The following SLC1A5 variants were observed in gnomAD, a reference collection of about 807,000 sequenced individuals.
SLC1A5 encodes neutral amino acid transporter B(0).
SLC1A5 carries 25 observed loss-of-function variants against 34.9 expected under a neutral mutation model. That is an observed-to-expected ratio of 0.72 (90% CI 0.52 to 1.00). The LOEUF (loss-of-function observed/expected upper bound fraction) is 1.00, where lower values mean the gene tolerates loss of function less well. Ranked by LOEUF, SLC1A5 falls within the 50% of genes least tolerant of loss-of-function variation. SLC1A5 has a pLI of 0.00. For synonymous variants in SLC1A5, 351 were observed against 341.2 expected (o/e 1.03, Z -0.32); for missense variants, 637 against 740.0 (o/e 0.86, Z 1.61).
At position 46,778,918 on chromosome 19, in the gene SLC1A5, A is replaced by G; in HGVS notation, c.825-10T>C. On this transcript the variant is annotated splice_polypyrimidine_tract_variant and intron_variant, in intron 4 of 7. Transcript: ENST00000542575. ...GCCCACAGGGGCGTACCTGATCAGTAACACAGGAGACAGCTTGTTGCCTCT... is the reference window on the plus strand; with the variant it reads ...GCCCACAGGGGCGTACCTGATCAGTGACACAGGAGACAGCTTGTTGCCTCT... 6.5e-7 allele frequency: 1 copy of G among 1,536,638 alleles called. No individual in the cohort carries two copies. Among genetic ancestry groups the G allele is most frequent in the Non-Finnish European group, 8.8e-7 (1 of 1,140,088 alleles).
Position 46,775,506 on chromosome 19 carries a change from G to T in SLC1A5, c.*4C>A, listed in dbSNP as rs774538305. On this transcript the variant is annotated 3_prime_UTR_variant, in exon 8 of 8. Transcript: ENST00000542575. ...AGCAGGGCAGGGAAGGTCCCTCCCG[G>T]GGTTTACATGACTGATTCCTTCTCA... 6.2e-7 allele frequency: 1 copy of T among 1,603,372 alleles called. No individual in the cohort carries two copies. Among genetic ancestry groups the T allele is most frequent in the Non-Finnish European group, 8.5e-7 (1 of 1,174,588 alleles).
In SLC1A5 at chr19:46,785,848, G is replaced by A. The variant is rs573368424; in HGVS notation, c.567-1289C>T. Among the ~76,000 whole-genome samples the A allele has an allele frequency of 2.0e-5, 3 of 152,322 alleles. No homozygotes were observed. In the South Asian group the frequency reaches 6.2e-4, roughly 32 times the overall value. ...TAATTCCAGCCTTTTGGGAGGCTGAGGTGGGCAGATAACTTGAGGTCAGGG... is the reference window on the plus strand; with the variant it reads ...TAATTCCAGCCTTTTGGGAGGCTGAAGTGGGCAGATAACTTGAGGTCAGGG... On this transcript the variant is annotated intron_variant, in intron 1 of 7. Transcript: ENST00000542575.
chr19:46,776,278 G>A (rs2055088365), intron 7 of SLC1A5, among the ~76,000 whole-genome samples: 1 of 145,012 alleles, frequency 6.9e-6, no homozygotes, highest in South Asian at 2.2e-4. Context: ...TCGGCTCACT[G>A]CAACCTCCAC....
rs1568428386 is a variant in SLC1A5 at position 46,778,747 on chromosome 19, G to A, written c.986C>T (p.Thr329Ile). 2 of 1,614,072 alleles carry A rather than the reference G, an allele frequency of 1.2e-6. No homozygotes were observed. The highest frequency in any genetic ancestry group is 1.7e-6 in the Non-Finnish European group (2 of 1,180,016). The change falls in exon 5 of 8, where the codon ACC becomes ATC. Residue 329 changes from threonine to isoleucine, a missense_variant. By Grantham distance (89) the Thr-to-Ile change is moderately conservative (BLOSUM62 -1). Coordinates refer to ENST00000542575, the MANE Select transcript of SLC1A5 (RefSeq NM_005628.3). Reference protein sequence around the residue: ...LVLPLIYFLFTRKNPYRFLWG... With the variant: ...LVLPLIYFLFIRKNPYRFLWG... Reference sequence around the variant, plus strand: ...CAGGAAGCGGTAGGGGTTTTTGCGGGTGAAGAGGAAGTAGATGAGGGGCAG... The same window carrying A: ...CAGGAAGCGGTAGGGGTTTTTGCGGATGAAGAGGAAGTAGATGAGGGGCAG...
In SLC1A5 at chr19:46,787,066, CAA is replaced by C. The variant is rs946381178; in HGVS notation, c.566+332_566+333del. ...CCCCATCTTGGGGCCCTTGACCACG[CAA>C]AGATTCCCCCCGCAAAAGTTCCTCC... On this transcript the variant is annotated intron_variant, in intron 1 of 7. Transcript: ENST00000542575. The surrounding 1 kb of genome is among the most constrained non-coding windows in gnomAD (Gnocchi z 5.2). 1.2e-4 allele frequency among the ~76,000 whole-genome samples: 19 copies of C among 152,160 alleles called. No individual in the cohort carries two copies. Among genetic ancestry groups the C allele is most frequent in the African/African-American group, 4.6e-4 (19 of 41,508 alleles).
At position 46,774,962 on chromosome 19, in the gene SLC1A5, C is replaced by T. The variant is rs2055070770; in HGVS notation, c.*548G>A. ...GCAGGTATTTGTCCTCAGCCTCTCC[C>T]CAGAGTCCCTGGGAGTGTTTCTGTT... On this transcript the variant is annotated 3_prime_UTR_variant, in exon 8 of 8. Coordinates refer to ENST00000542575, the MANE Select transcript of SLC1A5 (RefSeq NM_005628.3). 2.0e-6 allele frequency: 2 copies of T among 985,994 alleles called. No homozygotes were observed. Among genetic ancestry groups the T allele is most frequent in the South Asian group, 9.4e-5 (2 of 21,300 alleles). The allele number at this position is 985,994 out of a possible 1,614,324, so 61.1% of individuals were successfully genotyped here.
At chr19:46,779,391 T>C (rs1426737637) in intron 4 of SLC1A5, among the ~76,000 whole-genome samples, 2 of 126,578 alleles carry the variant, frequency 1.6e-5, no homozygotes, top group Non-Finnish European at 3.1e-5. Context: ...GCCATTGCAC[T>C]CCAGCCTGGG....
chr19:46,780,752 C>A, intron 4 of SLC1A5, among the ~76,000 whole-genome samples: 1 of 151,870 alleles, frequency 6.6e-6, no homozygotes, highest in East Asian at 2.0e-4. Flanking sequence ...GGGCGGATCG[C>A]TTGAGGTCAG....
intron 1 of SLC1A5, 75 bp from the exon 2 acceptor site, chr19:46,784,634 C>A: frequency 6.2e-7 from 1 of 1,613,240 alleles, no homozygotes; most frequent in Non-Finnish European, 8.5e-7. Context: ...GCTGGGTTGG[C>A]GTTTTAAGGC....
intron 5 of SLC1A5, among the ~76,000 whole-genome samples, chr19:46,778,055 G>A (rs77668924): frequency 0.019 from 2,936 of 152,226 alleles, 77 homozygotes; most frequent in African/African-American, 0.061. Context: ...ATTGTCTTGG[G>A]AGGGGACAGG....
Position 46,782,369 on chromosome 19 carries a change from C to CAA in SLC1A5, c.824+13_824+14insTT. 2.5e-6 allele frequency: 3 copies of CAA among 1,223,906 alleles called. No homozygotes were observed. Among genetic ancestry groups the CAA allele is most frequent in the Non-Finnish European group, 1.2e-6 (1 of 862,590 alleles). 75.8% of individuals were successfully genotyped at this position (1,223,906 alleles called of 1,614,324 possible). On this transcript the variant is annotated intron_variant, in intron 4 of 7. Transcript: ENST00000542575. ...CAACCCCACCCACCCCCAGCCTCCT[C>CAA]TCCCACCACCTACCACATGATCCAG...
At chr19:46,780,074 G>A (rs527548326) in intron 4 of SLC1A5, among the ~76,000 whole-genome samples, 1 of 152,150 alleles carries the variant, frequency 6.6e-6, no homozygotes, top group South Asian at 2.1e-4. Flanking sequence ...GGATGGTCTC[G>A]ATCTCCTGAC....
Position 46,775,229 on chromosome 19 carries a change from G to C in SLC1A5, c.*281C>G, listed in dbSNP as rs1332481316. ...AGACAGGGGAGGCCAGGCAGGTCACGGTGGGGACGCAGCAGAACATTATTT... is the reference window on the plus strand; with the variant it reads ...AGACAGGGGAGGCCAGGCAGGTCACCGTGGGGACGCAGCAGAACATTATTT... On this transcript the variant is annotated 3_prime_UTR_variant, in exon 8 of 8. Coordinates refer to ENST00000542575, the MANE Select transcript of SLC1A5 (RefSeq NM_005628.3). The C allele has an allele frequency of 8.9e-7, 1 of 1,125,100 alleles. No individual in the cohort carries two copies. Among genetic ancestry groups the C allele is most frequent in the Non-Finnish European group, 1.1e-6 (1 of 916,684 alleles). The allele number at this position is 1,125,100 out of a possible 1,614,324, so 69.7% of individuals were successfully genotyped here.
rs760442190 is a variant in SLC1A5 at position 46,775,122 on chromosome 19, C to A, written c.*388G>T. On this transcript the variant is annotated 3_prime_UTR_variant, in exon 8 of 8. Coordinates refer to ENST00000542575, the MANE Select transcript of SLC1A5 (RefSeq NM_005628.3). ...ACACACATCCCCCCACAACTACAGC[C>A]GCCAAAATAACCAGCATGGTGTTGT... 9.7e-7 allele frequency: 1 copy of A among 1,034,464 alleles called. No individual in the cohort carries two copies. Among genetic ancestry groups the A allele is most frequent in the Non-Finnish European group, 1.2e-6 (1 of 860,540 alleles). The allele number at this position is 1,034,464 out of a possible 1,614,324, so 64.1% of individuals were successfully genotyped here. A position where few individuals can be genotyped will look rare whatever the true frequency, so the allele number is the denominator to read the frequency against.
chr19:46,781,323 G>A (rs2055144118), intron 4 of SLC1A5, among the ~76,000 whole-genome samples: 1 of 152,230 alleles, frequency 6.6e-6, no homozygotes. Context: ...CCAAGTCCGG[G>A]CGCGGTGGCT....
chr19:46,784,361 A>G (rs573611004), intron 2 of SLC1A5, among the ~76,000 whole-genome samples, 156 bp downstream of exon 2: 1 of 152,278 alleles, frequency 6.6e-6, no homozygotes, highest in South Asian at 2.1e-4. Context: ...CCAGAGTCAC[A>G]CAGCTAGAAT....
At chr19:46,782,346 A>ACCACCCCC in intron 4 of SLC1A5, 37 bp downstream of exon 4, 1 of 567,986 alleles carries the variant, frequency 1.8e-6, no homozygotes, top group Non-Finnish European at 3.2e-6. Flanking sequence ...CGACCCTCCA[A>ACCACCCCC]CCCCACCCAC....
chr19:46,778,957 T>C, intron 4 of SLC1A5, 49 bp from the exon 5 acceptor site: 1 of 1,340,206 alleles, frequency 7.5e-7, no homozygotes, highest in South Asian at 1.4e-5. Context: ...ACGGGCCCAG[T>C]GGCCAGGCGT....
rs542464758 is a variant in SLC1A5, at chr19:46,783,976, T to C, written c.657+121A>G. On this transcript the variant is annotated intron_variant, in intron 3 of 7. Coordinates refer to ENST00000542575, the MANE Select transcript of SLC1A5 (RefSeq NM_005628.3). ...ATCCAGAAGGCAGAAAAGACAGAAATTGGGGAAGGACTGCAGAGTGTCAAT... is the reference window on the plus strand; with the variant it reads ...ATCCAGAAGGCAGAAAAGACAGAAACTGGGGAAGGACTGCAGAGTGTCAAT... 5.1e-5 allele frequency: 38 copies of C among 744,072 alleles called. 1 individual carries two copies. Among genetic ancestry groups the C allele is most frequent in the South Asian group, 4.3e-4 (27 of 63,028 alleles). 46.1% of individuals were successfully genotyped at this position (744,072 alleles called of 1,614,324 possible). A position where few individuals can be genotyped will look rare whatever the true frequency, so the allele number is the denominator to read the frequency against.
Sources: gnomAD v4.1 joint callset for allele counts (sites outside exome capture counted in the v4.1 genomes callset) on GRCh38, gnomAD v4.1.1 for gene constraint, Gnocchi (gnomAD v3.1) non-coding constraint, MANE v1.5 for transcripts, NCBI Gene and HGNC (gene_info 2026-07-23, HGNC 2026-07-21) for gene names.